The following CDH6 variants were observed in gnomAD, a reference collection of about 807,000 sequenced individuals.
CDH6 encodes cadherin 6.
A neutral mutation model predicts 78.0 loss-of-function variants in CDH6; 31 were observed. That is an observed-to-expected ratio of 0.40 (90% confidence interval 0.30 to 0.54). The LOEUF is 0.54. Among genes scored for constraint, CDH6 ranks in the 20% least tolerant of loss-of-function variants. The probability of loss-of-function intolerance (pLI) is 0.56; values close to 1 mark genes in which losing one functional copy is unlikely to be tolerated. For synonymous variants in CDH6, 376 were observed against 368.8 expected (o/e 1.02, Z -0.23); for missense variants, 724 against 975.9 (o/e 0.74, Z 3.44).
At chr5:31,264,327 T>C (rs1425119662) in intron 1 of CDH6, among the ~76,000 whole-genome samples, 1 of 152,230 alleles carries the variant, frequency 6.6e-6, no homozygotes, top group Non-Finnish European at 1.5e-5. Flanking sequence ...GAATACCTAA[T>C]ACTTATTAAT....
At chr5:31,274,523 C>A (rs1742633396) in intron 2 of CDH6, among the ~76,000 whole-genome samples, 1 of 152,176 alleles carries the variant, frequency 6.6e-6, no homozygotes, top group Admixed American at 6.5e-5. Context: ...GTTTGTTGAA[C>A]AAAAGGGAGG....
intron 8 of CDH6, among the ~76,000 whole-genome samples, chr5:31,313,703 T>A (rs959204020): frequency 1.3e-5 from 2 of 152,206 alleles, no homozygotes; most frequent in Admixed American, 6.5e-5. Context: ...ACAAATGAGA[T>A]TGAATTGGTA....
intron 7 of CDH6, among the ~76,000 whole-genome samples, chr5:31,310,528 T>C (rs1444706190): frequency 6.6e-6 from 1 of 152,190 alleles, no homozygotes; most frequent in African/African-American, 2.4e-5. Flanking sequence ...TGCCCCAGTG[T>C]GGACTCTGTG....
intron 1 of CDH6, among the ~76,000 whole-genome samples, chr5:31,254,688 A>G (rs555065829): frequency 8.5e-5 from 13 of 152,258 alleles, no homozygotes; most frequent in Non-Finnish European, 1.5e-4. Flanking sequence ...TTTCTTAATA[A>G]TGATATTGAT....
intron 7 of CDH6, 123 bp downstream of exon 7, chr5:31,305,550 A>C: frequency 9.8e-7 from 1 of 1,023,744 alleles, no homozygotes; most frequent in South Asian, 1.6e-5. Flanking sequence ...GTTTTCCTGA[A>C]AAAACTATTC....
chr5:31,240,317 T>C (rs1398232874), intron 1 of CDH6, among the ~76,000 whole-genome samples: 1 of 152,214 alleles, frequency 6.6e-6, no homozygotes, highest in East Asian at 1.9e-4. Flanking sequence ...AAACACACTT[T>C]GGGAAATGCT....
At chr5:31,312,108 A>C (rs1738174588) in intron 7 of CDH6, among the ~76,000 whole-genome samples, 1 of 152,120 alleles carries the variant, frequency 6.6e-6, no homozygotes, top group South Asian at 2.1e-4. Context: ...AAGTGATGTA[A>C]GTGATTCTGT....
intron 1 of CDH6, among the ~76,000 whole-genome samples, chr5:31,204,987 A>C (rs1169661986): frequency 1.3e-5 from 2 of 152,200 alleles, no homozygotes; most frequent in Non-Finnish European, 2.9e-5. Flanking sequence ...GATTCCCTGC[A>C]CAGCAAAAGC....
chr5:31,233,134 C>T (rs759850893), intron 1 of CDH6, among the ~76,000 whole-genome samples: 6 of 151,986 alleles, frequency 3.9e-5, no homozygotes, highest in Admixed American at 6.6e-5. Context: ...TATGCACATA[C>T]GCCTTCACAT....
chr5:31,318,472 T>C (rs568659296), intron 11 of CDH6: 5 of 243,134 alleles, frequency 2.1e-5, no homozygotes, highest in Non-Finnish European at 3.3e-5. Context: ...GATTGCCACA[T>C]GCATAAGGTC....
At chr5:31,231,535 G>A (rs183197200) in intron 1 of CDH6, among the ~76,000 whole-genome samples, 162 of 152,330 alleles carry the variant, frequency 1.1e-3, no homozygotes, top group African/African-American at 3.7e-3. Flanking sequence ...AGAAGTCCAA[G>A]GTCAAGGGGA....
chr5:31,242,565 T>C (rs1200417993), intron 1 of CDH6, among the ~76,000 whole-genome samples: 4 of 152,146 alleles, frequency 2.6e-5, no homozygotes, highest in Non-Finnish European at 5.9e-5. Flanking sequence ...AGTCCGTTGA[T>C]AGTAGCAGTG....
chr5:31,290,603 TAA>T (rs1232864050), intron 2 of CDH6, among the ~76,000 whole-genome samples: 2 of 152,196 alleles, frequency 1.3e-5, no homozygotes, highest in Non-Finnish European at 2.9e-5. Context: ...AAGTGCTCAA[TAA>T]ACCCCTAATG....
intron 1 of CDH6, among the ~76,000 whole-genome samples, chr5:31,199,717 C>CTATATA: frequency 8.7e-6 from 1 of 114,742 alleles, no homozygotes; most frequent in Non-Finnish European, 1.7e-5. Flanking sequence ...ATATATATAT[C>CTATATA]TCAAAGATAA....
chr5:31,200,726 A>G, intron 1 of CDH6, among the ~76,000 whole-genome samples: 1 of 151,156 alleles, frequency 6.6e-6, no homozygotes, highest in Admixed American at 6.6e-5. Flanking sequence ...AGTGAGGGAG[A>G]GAGGGAGGAA....
chr5:31,239,446 T>A (rs955071593), intron 1 of CDH6, among the ~76,000 whole-genome samples: 1 of 152,246 alleles, frequency 6.6e-6, no homozygotes, highest in African/African-American at 2.4e-5. Flanking sequence ...ACTGTTATAG[T>A]GGAAGTTTAC....
At chr5:31,194,032 G>A (rs894914175) in intron 1 of CDH6, 146 bp downstream of exon 1, 1 of 152,042 alleles carries the variant, frequency 6.6e-6, no homozygotes, top group Non-Finnish European at 1.5e-5. Context: ...CAGCCTGCGA[G>A]CCCGGGTCGG....
intron 1 of CDH6, among the ~76,000 whole-genome samples, chr5:31,245,834 C>G (rs908398905): frequency 2.0e-5 from 3 of 151,806 alleles, no homozygotes; most frequent in African/African-American, 7.3e-5. Context: ...TTCTAATACG[C>G]CATAATTTCT....
intron 1 of CDH6, among the ~76,000 whole-genome samples, chr5:31,229,942 G>C (rs1741272825): frequency 6.6e-6 from 1 of 152,168 alleles, no homozygotes; most frequent in Admixed American, 6.5e-5. Context: ...AGATTGAGTA[G>C]TGTCATCTGT....
Sources: allele counts gnomAD v4.1 joint callset (sites outside exome capture counted in the v4.1 genomes callset), GRCh38; gene constraint gnomAD v4.1.1; transcripts MANE v1.5; gene names NCBI Gene and HGNC (gene_info 2026-07-23, HGNC 2026-07-21).